The following NCAM1 variants were observed in gnomAD, a reference collection of about 807,000 sequenced individuals.
The protein encoded by NCAM1 is antigen recognized by monoclonal antibody 5.1H11.
Under a neutral mutation model 109.8 loss-of-function variants are expected in NCAM1, and 14 were observed. That is an observed-to-expected ratio of 0.13 (90% confidence interval 0.08 to 0.20). The LOEUF (loss-of-function observed/expected upper bound fraction) is 0.20, where lower values mean the gene tolerates loss of function less well. NCAM1 is among the 10% of genes least tolerant of loss of function. NCAM1 has a pLI of 1.00. For missense variants in NCAM1, 774 were observed against 1,109.9 expected (o/e 0.70, Z 4.30); for synonymous variants, 418 against 442.9 (o/e 0.94, Z 0.70).
intron 11 of NCAM1, 99 bp from the exon 12 acceptor site, chr11:113,232,619 C>A: frequency 2.0e-6 from 2 of 1,010,848 alleles, no homozygotes; most frequent in Non-Finnish European, 3.1e-6. Context: ...TTATACTTTA[C>A]TAGTTCTGTT....
intron 17 of NCAM1, chr11:113,263,174 C>T: frequency 8.5e-7 from 1 of 1,172,994 alleles, no homozygotes; most frequent in Non-Finnish European, 1.1e-6. Context: ...TTTGAGAGCT[C>T]TTTCTTTAAA....
chr11:112,985,801 G>T (rs1951285125), intron 1 of NCAM1, among the ~76,000 whole-genome samples: 1 of 151,648 alleles, frequency 6.6e-6, no homozygotes, highest in African/African-American at 2.4e-5. Flanking sequence ...ACAGCCTTTT[G>T]GTGGAATCTT....
At chr11:113,066,586 C>A (rs1165845493) in intron 1 of NCAM1, among the ~76,000 whole-genome samples, 3 of 152,152 alleles carry the variant, frequency 2.0e-5, no homozygotes, top group Non-Finnish European at 4.4e-5. Flanking sequence ...CTCCTTTAAT[C>A]ATCTTTTCTC....
At chr11:113,236,347 T>C in intron 14 of NCAM1, 1 of 1,607,940 alleles carries the variant, frequency 6.2e-7, no homozygotes, top group Non-Finnish European at 8.5e-7. Flanking sequence ...ATTACCTGTT[T>C]CCATAGCGTT....
At chr11:113,205,977 T>A (rs1944224937) in intron 4 of NCAM1, 66 bp from the exon 5 acceptor site, 1 of 1,591,004 alleles carries the variant, frequency 6.3e-7, no homozygotes, top group Non-Finnish European at 8.6e-7. Flanking sequence ...GGAAAGAGAC[T>A]CAGCCACCTG....
At position 113,272,655 on chromosome 11, in the gene NCAM1, C is replaced by T. The variant is rs568049771; in HGVS notation, c.2456+779C>T. Among the ~76,000 whole-genome samples the T allele has an allele frequency of 4.2e-3, 641 of 152,276 alleles. 9 individuals carry two copies. The highest frequency in any genetic ancestry group is 0.019 in the South Asian group (91 of 4,828). On this transcript the variant is annotated intron_variant, in intron 19 of 19. Coordinates refer to ENST00000316851, the MANE Select transcript of NCAM1 (RefSeq NM_181351.5). Reference sequence around the variant, plus strand: ...CTGCAAGGACTTCAGGGAAAGGGAGCTCTATGCAGAGAGCTGGAGAGACAT... The same window carrying T: ...CTGCAAGGACTTCAGGGAAAGGGAGTTCTATGCAGAGAGCTGGAGAGACAT...
rs531447837 is a variant in NCAM1 at position 113,272,126 on chromosome 11, C to A, written c.2456+250C>A. ...TAAGTAGGGATCCCTGGATCCCTAG[C>A]CCCTGTTCTCAAGTTATACACATAT... On this transcript the variant is annotated intron_variant, in intron 19 of 19. Transcript: ENST00000316851. Among the ~76,000 whole-genome samples, 663 of 152,214 alleles carry A rather than the reference C, an allele frequency of 4.4e-3. 11 individuals are homozygous for A. The highest frequency in any genetic ancestry group is 0.02 in the South Asian group (94 of 4,814).
intron 1 of NCAM1, among the ~76,000 whole-genome samples, chr11:112,971,065 A>G (rs1274521992): frequency 6.6e-6 from 1 of 152,162 alleles, no homozygotes; most frequent in African/African-American, 2.4e-5. Flanking sequence ...AGTATTTTTC[A>G]AACTATGGAT....
intron 1 of NCAM1, chr11:113,130,654 T>A (rs1555098172): frequency 6.6e-6 from 1 of 152,258 alleles, no homozygotes; most frequent in African/African-American, 2.4e-5. Context: ...TTTCATGCTA[T>A]GTCCTGCTTC....
chr11:113,198,274 A>G (rs1462038895), intron 1 of NCAM1, among the ~76,000 whole-genome samples: 1 of 152,116 alleles, frequency 6.6e-6, no homozygotes, highest in African/African-American at 2.4e-5. Context: ...TCCCTTACCC[A>G]TATGTAAAAT....
rs1011148581 is a variant in NCAM1 at position 113,044,640 on chromosome 11, G to A, written c.52+82976G>A. ...GCGGAGGTTGCAATGAGCCACGATCGCGTCACTGCACTCCAGCCTGGGCGA... is the reference window on the plus strand; with the variant it reads ...GCGGAGGTTGCAATGAGCCACGATCACGTCACTGCACTCCAGCCTGGGCGA... On this transcript the variant is annotated intron_variant, in intron 1 of 19. Coordinates refer to ENST00000316851, the MANE Select transcript of NCAM1 (RefSeq NM_181351.5). 5.3e-5 allele frequency among the ~76,000 whole-genome samples: 8 copies of A among 151,972 alleles called. No individual in the cohort carries two copies. The South Asian group carries it at 1.2e-3, about 24-fold the overall frequency.
At chr11:113,238,559 C>T (rs1337777156) in intron 14 of NCAM1, among the ~76,000 whole-genome samples, 1 of 152,150 alleles carries the variant, frequency 6.6e-6, no homozygotes, top group Admixed American at 6.5e-5. Context: ...GACAAACCCA[C>T]CCTTTTGCTG....
intron 1 of NCAM1, among the ~76,000 whole-genome samples, chr11:113,108,151 AT>A (rs1165652410): frequency 2.6e-5 from 4 of 151,970 alleles, no homozygotes; most frequent in Admixed American, 6.6e-5. Flanking sequence ...GGCTTGAGGA[AT>A]TTTTTTTATG....
chr11:113,080,834 G>A (rs1591308437), intron 1 of NCAM1, among the ~76,000 whole-genome samples: 1 of 152,160 alleles, frequency 6.6e-6, no homozygotes, highest in East Asian at 1.9e-4. Flanking sequence ...CAAGGTAAAT[G>A]TAAGTAATTA....
At chr11:113,056,890 A>G (rs1339311804) in intron 1 of NCAM1, among the ~76,000 whole-genome samples, 3 of 152,180 alleles carry the variant, frequency 2.0e-5, no homozygotes, top group Non-Finnish European at 4.4e-5. Flanking sequence ...GATAACTAAT[A>G]TATTTTGGTA....
chr11:113,212,753 A>T (rs1325475215), intron 7 of NCAM1, among the ~76,000 whole-genome samples: 1 of 151,548 alleles, frequency 6.6e-6, no homozygotes, highest in Non-Finnish European at 1.5e-5. Context: ...TTTTACCTTT[A>T]TTTTACTTTG....
At chr11:113,216,489 C>T (rs1555114418) in intron 8 of NCAM1, among the ~76,000 whole-genome samples, 1 of 152,148 alleles carries the variant, frequency 6.6e-6, no homozygotes, top group Non-Finnish European at 1.5e-5. Context: ...TAGCCAGGAA[C>T]TAAAACACAT....
At chr11:113,262,906 CTCT>C (rs1555123675) in intron 17 of NCAM1, 1 of 1,613,740 alleles carries the variant, frequency 6.2e-7, no homozygotes, top group African/African-American at 1.3e-5. Context: ...TCTGCAGTGA[CTCT>C]TCTTTTGCTC....
At chr11:113,125,224 C>T (rs2057690341) in intron 1 of NCAM1, among the ~76,000 whole-genome samples, 2 of 152,154 alleles carry the variant, frequency 1.3e-5, no homozygotes, top group African/African-American at 4.8e-5. Context: ...TCTGACAAAG[C>T]TGGCTTTCTC....
Sources: allele counts gnomAD v4.1 joint callset (sites outside exome capture counted in the v4.1 genomes callset), GRCh38; gene constraint gnomAD v4.1.1; transcripts MANE v1.5; gene names NCBI Gene and HGNC (gene_info 2026-07-23, HGNC 2026-07-21).